The following CLASP1 variants were observed in gnomAD, a reference collection of about 807,000 sequenced individuals.
The protein encoded by CLASP1 is CLIP-associating protein 1.
A neutral mutation model predicts 192.3 loss-of-function variants in CLASP1; 38 were observed. The ratio of observed to expected loss-of-function variants is 0.20; its 90% CI spans 0.15 to 0.26. The LOEUF is 0.26. CLASP1 is among the 10% of genes least tolerant of loss of function. CLASP1 has a pLI of 1.00. For synonymous variants in CLASP1, 691 were observed against 712.8 expected (o/e 0.97, Z 0.49); for missense variants, 1,433 against 1,932.5 (o/e 0.74, Z 4.85).
At chr2:121,517,757 G>A (rs1367117544) in intron 6 of CLASP1, among the ~76,000 whole-genome samples, 1 of 151,566 alleles carries the variant, frequency 6.6e-6, no homozygotes. Flanking sequence ...TACTTGGGGG[G>A]GCCTGAGGTA....
chr2:121,551,456 G>T (rs932448598), intron 2 of CLASP1, among the ~76,000 whole-genome samples: 1 of 152,126 alleles, frequency 6.6e-6, no homozygotes, highest in African/African-American at 2.4e-5. Context: ...AAACCCCACA[G>T]TCTCGGCCCA....
chr2:121,619,463 C>G (rs534766438), intron 1 of CLASP1, among the ~76,000 whole-genome samples: 1 of 152,216 alleles, frequency 6.6e-6, no homozygotes, highest in East Asian at 1.9e-4. Flanking sequence ...GAAAATGCAG[C>G]TGGCAGATCA....
intron 2 of CLASP1, among the ~76,000 whole-genome samples, chr2:121,535,516 T>A (rs2095040428): frequency 6.6e-6 from 1 of 150,652 alleles, no homozygotes; most frequent in Non-Finnish European, 1.5e-5. Flanking sequence ...CAGAATAAAG[T>A]AAAGAGAAGC....
intron 1 of CLASP1, among the ~76,000 whole-genome samples, chr2:121,631,122 A>G (rs36038368): frequency 0.25 from 31,020 of 124,016 alleles, 5,662 homozygotes; most frequent in African/African-American, 0.52. Flanking sequence ...TTGCGCCATT[A>G]CGCTCCAGCC....
chr2:121,480,600 AAAAG>A (rs1241389816), intron 8 of CLASP1, among the ~76,000 whole-genome samples: 8 of 152,184 alleles, frequency 5.3e-5, no homozygotes, highest in Non-Finnish European at 1.0e-4. Flanking sequence ...TTGAGGTATA[AAAAG>A]AAAATGAAGA....
At chr2:121,491,553 G>A (rs1400269364) in intron 8 of CLASP1, among the ~76,000 whole-genome samples, 1 of 152,252 alleles carries the variant, frequency 6.6e-6, no homozygotes, top group South Asian at 2.1e-4. Flanking sequence ...ACATCTGCAT[G>A]ATTTAAAAAC....
exon 40 of CLASP1, chr2:121,339,728 G>C (rs1200022103): frequency 6.6e-6 from 1 of 152,056 alleles, no homozygotes; most frequent in African/African-American, 2.4e-5. Flanking sequence ...TCCTTAAACA[G>C]TGACTATTTC....
chr2:121,627,569 G>A (rs1182781653), intron 1 of CLASP1, among the ~76,000 whole-genome samples: 1 of 152,232 alleles, frequency 6.6e-6, no homozygotes, highest in Non-Finnish European at 1.5e-5. Flanking sequence ...GGCACCACTA[G>A]GTAAAGCTAC....
chr2:121,622,853 CCTTTT>C (rs1280585468), intron 1 of CLASP1, among the ~76,000 whole-genome samples: 1 of 152,080 alleles, frequency 6.6e-6, no homozygotes, highest in Non-Finnish European at 1.5e-5. Flanking sequence ...AATATGAACG[CCTTTT>C]CTTTCTTTTT....
At chr2:121,567,824 C>T (rs752125978) in intron 2 of CLASP1, among the ~76,000 whole-genome samples, 14 of 152,198 alleles carry the variant, frequency 9.2e-5, no homozygotes, top group Non-Finnish European at 2.1e-4. Flanking sequence ...AAAGAAATAC[C>T]TTTGGAGCGC....
In CLASP1 at chr2:121,575,524, G is replaced by A. The variant is rs563982018; in HGVS notation, c.195+30177C>T. Among the ~76,000 whole-genome samples, 6 of 152,252 alleles carry A rather than the reference G, an allele frequency of 3.9e-5. No homozygotes were observed. The South Asian group carries it at 1.2e-3, about 32-fold the overall frequency. ...GAAGCTCACACACCACAAAGTAAAA[G>A]GGAGAAAGTAAGAGAAGATTCATGG... On this transcript the variant is annotated intron_variant, in intron 2 of 39. Transcript: ENST00000263710.
intron 1 of CLASP1, among the ~76,000 whole-genome samples, chr2:121,626,098 C>CAAAA (rs557488865): frequency 9.0e-6 from 1 of 111,312 alleles, no homozygotes. Context: ...GACTCCATCT[C>CAAAA]AAAAAAAAAA....
At chr2:121,516,825 A>C (rs2094310946) in intron 6 of CLASP1, among the ~76,000 whole-genome samples, 1 of 151,756 alleles carries the variant, frequency 6.6e-6, no homozygotes, top group Non-Finnish European at 1.5e-5. Flanking sequence ...TCTGGAGTTC[A>C]AGACCAGCCT....
chr2:121,594,254 C>T (rs1283598792), intron 2 of CLASP1, among the ~76,000 whole-genome samples: 7 of 149,860 alleles, frequency 4.7e-5, no homozygotes, highest in South Asian at 2.1e-4. Flanking sequence ...GAGCCGAGAT[C>T]GCACCACTGC....
chr2:121,601,740 T>C (rs2063809732), intron 2 of CLASP1, among the ~76,000 whole-genome samples: 1 of 152,144 alleles, frequency 6.6e-6, no homozygotes, highest in South Asian at 2.1e-4. Flanking sequence ...GACATGATCT[T>C]ATATACAGAA....
intron 8 of CLASP1, among the ~76,000 whole-genome samples, chr2:121,478,873 A>ACACACACACCC (rs2092200265): frequency 1.4e-5 from 1 of 72,544 alleles, no homozygotes; most frequent in Non-Finnish European, 2.6e-5. Context: ...CACACACACC[A>ACACACACACCC]CACCACACAC....
At chr2:121,365,410 T>C in intron 35 of CLASP1, 126 bp from the exon 37 acceptor site, 1 of 892,818 alleles carries the variant, frequency 1.1e-6, no homozygotes, top group Non-Finnish European at 1.7e-6. Context: ...CCTTCACGGT[T>C]CCCCTCCCAC....
At chr2:121,376,135 C>G (rs78503656) in intron 34 of CLASP1, among the ~76,000 whole-genome samples, 6,369 of 152,076 alleles carry the variant, frequency 0.042, 168 homozygotes, top group East Asian at 0.14. Context: ...TCTCAAAAAC[C>G]TAAAAATGGA....
At chr2:121,532,862 T>C (rs2094932580) in intron 2 of CLASP1, among the ~76,000 whole-genome samples, 1 of 152,198 alleles carries the variant, frequency 6.6e-6, no homozygotes, top group African/African-American at 2.4e-5. Flanking sequence ...ATATTTGTAA[T>C]TTTTCTGTAA....
Sources: gnomAD v4.1 joint callset for allele counts (sites outside exome capture counted in the v4.1 genomes callset) on GRCh38, gnomAD v4.1.1 for gene constraint, MANE v1.5 for transcripts, NCBI Gene and HGNC (gene_info 2026-07-23, HGNC 2026-07-21) for gene names.